The following SNTG1 variants were observed in gnomAD, a reference collection of about 807,000 sequenced individuals.
SNTG1 encodes syntrophin gamma 1.
Under a neutral mutation model 74.7 loss-of-function variants are expected in SNTG1, and 39 were observed. The ratio of observed to expected loss-of-function variants is 0.52; its 90% CI spans 0.40 to 0.68. The LOEUF (loss-of-function observed/expected upper bound fraction) is 0.68, where lower values mean the gene tolerates loss of function less well. SNTG1 is among the 30% of genes least tolerant of loss of function. SNTG1 has a pLI of 0.00. For missense variants in SNTG1, 685 were observed against 609.5 expected, an observed-to-expected ratio of 1.12 and a Z score of -1.30; for synonymous variants, 254 against 217.1, an observed-to-expected ratio of 1.17 and a Z score of -1.49.
intron 18 of SNTG1, among the ~76,000 whole-genome samples, chr8:50,781,379 T>C (rs1180563352): frequency 6.6e-6 from 1 of 152,162 alleles, no homozygotes; most frequent in Non-Finnish European, 1.5e-5. Context: ...TTTATGAATC[T>C]GGGTGCTCCT....
chr8:50,066,065 A>G (rs1820872800), intron 1 of SNTG1, among the ~76,000 whole-genome samples: 1 of 152,136 alleles, frequency 6.6e-6, no homozygotes, highest in Admixed American at 6.5e-5. Context: ...AAATACAAAA[A>G]TTAGCTGGCC....
At chr8:50,141,650 A>G (rs966116056) in intron 1 of SNTG1, among the ~76,000 whole-genome samples, 1 of 152,186 alleles carries the variant, frequency 6.6e-6, no homozygotes, top group African/African-American at 2.4e-5. Context: ...CACAGCAATG[A>G]CAACAACAAA....
chr8:50,416,306 A>G (rs1268334208), intron 4 of SNTG1, among the ~76,000 whole-genome samples: 1 of 152,090 alleles, frequency 6.6e-6, no homozygotes, highest in Non-Finnish European at 1.5e-5. Flanking sequence ...ACATGCATGG[A>G]ATGGTTCTAT....
At chr8:50,109,052 G>A (rs2080485293) in intron 1 of SNTG1, among the ~76,000 whole-genome samples, 1 of 152,078 alleles carries the variant, frequency 6.6e-6, no homozygotes, top group Non-Finnish European at 1.5e-5. Flanking sequence ...CTGATTTCTG[G>A]GTCCAGCCCT....
intron 1 of SNTG1, among the ~76,000 whole-genome samples, chr8:50,098,563 G>A (rs962092319): frequency 6.6e-6 from 1 of 152,076 alleles, no homozygotes; most frequent in African/African-American, 2.4e-5. Context: ...TTGAACATCC[G>A]TGGATTTTGT....
rs138029679 is a variant in SNTG1, at chr8:50,535,117, G to A, written c.550-1561G>A. On this transcript the variant is annotated intron_variant, in intron 10 of 18. Coordinates refer to ENST00000642720, the MANE Select transcript of SNTG1 (RefSeq NM_018967.5). ...TTTTAGATATATTGAAAATAGTATGGAGCCATTTAGCTGGGCTAGATTATA... is the reference window on the plus strand; with the variant it reads ...TTTTAGATATATTGAAAATAGTATGAAGCCATTTAGCTGGGCTAGATTATA... Among the ~76,000 whole-genome samples the A allele has an allele frequency of 5.5e-3, 844 of 152,174 alleles. 3 individuals are homozygous for A. Among genetic ancestry groups the A allele is most frequent in the Middle Eastern group, 0.027 (8 of 294 alleles).
At chr8:50,521,379 GC>G (rs2094178253) in intron 9 of SNTG1, among the ~76,000 whole-genome samples, 1 of 152,122 alleles carries the variant, frequency 6.6e-6, no homozygotes. Context: ...TAACAAACCT[GC>G]GTTTCCTGCA....
intron 2 of SNTG1, among the ~76,000 whole-genome samples, chr8:50,186,179 C>T (rs1172532292): frequency 6.6e-6 from 1 of 152,068 alleles, no homozygotes; most frequent in Admixed American, 6.6e-5. Flanking sequence ...AGGACATGAT[C>T]TCATTCTTTT....
intron 1 of SNTG1, among the ~76,000 whole-genome samples, chr8:49,966,529 G>A (rs1811157681): frequency 6.6e-6 from 1 of 151,744 alleles, no homozygotes; most frequent in South Asian, 2.1e-4. Context: ...CTAGTAGCTG[G>A]GACTACAGGC....
At chr8:50,083,635 C>T (rs1213335791) in intron 1 of SNTG1, among the ~76,000 whole-genome samples, 1 of 152,130 alleles carries the variant, frequency 6.6e-6, no homozygotes, top group Non-Finnish European at 1.5e-5. Context: ...GTGTATGATA[C>T]ATATAAGCTA....
chr8:50,583,773 CT>C (rs1255358176), intron 12 of SNTG1, among the ~76,000 whole-genome samples: 177 of 128,136 alleles, frequency 1.4e-3, no homozygotes, highest in African/African-American at 4.1e-3. Context: ...TTTTTCTTTT[CT>C]TTTTTTTTTT....
At chr8:50,579,747 A>G (rs914899023) in intron 12 of SNTG1, among the ~76,000 whole-genome samples, 1 of 152,192 alleles carries the variant, frequency 6.6e-6, no homozygotes, top group Non-Finnish European at 1.5e-5. Context: ...TTGCCCTTTG[A>G]GTGCGCAGAA....
intron 1 of SNTG1, among the ~76,000 whole-genome samples, chr8:50,165,074 T>C (rs1426017306): frequency 6.6e-6 from 1 of 152,164 alleles, no homozygotes; most frequent in Non-Finnish European, 1.5e-5. Flanking sequence ...CAAAAAATGT[T>C]GAATTAGGTG....
chr8:50,599,332 T>A (rs2094755745), intron 13 of SNTG1, among the ~76,000 whole-genome samples: 1 of 152,078 alleles, frequency 6.6e-6, no homozygotes, highest in African/African-American at 2.4e-5. Context: ...TCAGGATAGC[T>A]TTGTTTATTC....
chr8:50,603,675 T>A (rs10087389), intron 13 of SNTG1, among the ~76,000 whole-genome samples: 1 of 152,156 alleles, frequency 6.6e-6, no homozygotes, highest in African/African-American at 2.4e-5. Context: ...TTCCAGCTAT[T>A]CGATGCAACT....
chr8:50,329,446 C>T (rs2090875906), intron 2 of SNTG1, among the ~76,000 whole-genome samples: 1 of 152,128 alleles, frequency 6.6e-6, no homozygotes, highest in Admixed American at 6.5e-5. Context: ...GGTGGAGGTT[C>T]CCAAACCTCA....
chr8:50,138,097 C>T (rs1020355357), intron 1 of SNTG1, among the ~76,000 whole-genome samples: 2 of 151,974 alleles, frequency 1.3e-5, no homozygotes, highest in Non-Finnish European at 2.9e-5. Context: ...GTTTTTTTTA[C>T]AGATGCTGGT....
At chr8:50,210,525 A>G (rs1429732927) in intron 2 of SNTG1, among the ~76,000 whole-genome samples, 1 of 152,218 alleles carries the variant, frequency 6.6e-6, no homozygotes, top group Non-Finnish European at 1.5e-5. Flanking sequence ...CTAACAGTGG[A>G]TCTCTCAGCA....
At chr8:50,679,003 A>C (rs1051750415) in intron 15 of SNTG1, among the ~76,000 whole-genome samples, 1 of 152,062 alleles carries the variant, frequency 6.6e-6, no homozygotes, top group Non-Finnish European at 1.5e-5. Context: ...AATGGTTTTT[A>C]AATAATAGCT....
Sources: allele counts gnomAD v4.1 joint callset (sites outside exome capture counted in the v4.1 genomes callset), GRCh38; gene constraint gnomAD v4.1.1; transcripts MANE v1.5; gene names NCBI Gene and HGNC (gene_info 2026-07-23, HGNC 2026-07-21).